Variants in FAR1 observed in about 807,000 individuals in gnomAD.
The protein encoded by FAR1 is male sterility domain-containing protein 2.
A neutral mutation model predicts 61.1 loss-of-function variants in FAR1; 22 were observed. The observed-to-expected ratio is 0.36, with a 90% CI of 0.26 to 0.51. The LOEUF (loss-of-function observed/expected upper bound fraction) is 0.51. Among genes scored for constraint, FAR1 ranks in the 20% least tolerant of loss-of-function variants. The probability of loss-of-function intolerance (pLI) is 0.95; values close to 1 mark genes in which losing one functional copy is unlikely to be tolerated. For synonymous variants in FAR1, 206 were observed against 209.7 expected (o/e 0.98, Z 0.15); for missense variants, 359 against 626.9 (o/e 0.57, Z 4.56).
At chr11:13,694,517 G>C (rs1413239598) in intron 1 of FAR1, among the ~76,000 whole-genome samples, 1 of 152,166 alleles carries the variant, frequency 6.6e-6, no homozygotes, top group African/African-American at 2.4e-5. Flanking sequence ...CAAGTCCAGA[G>C]AACGTGAGTG....
Position 13,729,765 on chromosome 11 carries a change from A to C in FAR1, c.*991A>C, listed in dbSNP as rs1848704243. The C allele has an allele frequency of 6.6e-6, 1 of 152,058 alleles. No homozygotes were observed. The highest frequency in any genetic ancestry group is 1.5e-5 in the Non-Finnish European group (1 of 67,894). The allele number at this position is 152,058 out of a possible 1,614,324, so 9.4% of individuals were successfully genotyped here. On this transcript the variant is annotated 3_prime_UTR_variant, in exon 12 of 12. Transcript: ENST00000354817. ...ATGGAAGAATGTATTTGCAGGTAGT[A>C]ATAGCATTAAAAAATATACTCGTGT...
chr11:13,711,650 A>C lies in FAR1; in HGVS notation c.724-114A>C, dbSNP rs1848499710. 3.8e-6 allele frequency: 3 copies of C among 784,004 alleles called. No homozygotes were observed. In the African/African-American group the frequency reaches 5.3e-5, roughly 14 times the overall value. 48.6% of individuals were successfully genotyped at this position (784,004 alleles called of 1,614,324 possible). A position where few individuals can be genotyped will look rare whatever the true frequency, so the allele number is the denominator to read the frequency against. ...CTGGCCTGAATCTAGTCTGTTTTTT[A>C]GTTTTTAGAAGACAGCTACCAAGTA... On this transcript the variant is annotated intron_variant, in intron 5 of 11. Transcript: ENST00000354817.
intron 1 of FAR1, among the ~76,000 whole-genome samples, chr11:13,680,146 TTTGAAAA>T (rs1256859616): frequency 6.6e-6 from 1 of 152,178 alleles, no homozygotes; most frequent in East Asian, 1.9e-4. Context: ...AGCCTTAATT[TTTGAAAA>T]AGGAAAAAGG....
intron 3 of FAR1, 85 bp downstream of exon 3, chr11:13,700,577 T>A: frequency 2.2e-6 from 2 of 892,608 alleles, no homozygotes; most frequent in Middle Eastern, 3.6e-4. Context: ...AGTCAATTTG[T>A]TTTGAATGTG....
At chr11:13,691,526 A>G (rs1218932853) in intron 1 of FAR1, among the ~76,000 whole-genome samples, 2 of 152,138 alleles carry the variant, frequency 1.3e-5, no homozygotes, top group African/African-American at 4.8e-5. Flanking sequence ...TCTATACTCA[A>G]CTATTCCCCT....
chr11:13,719,897 T>C (rs1400493805), intron 9 of FAR1: 2 of 152,206 alleles, frequency 1.3e-5, no homozygotes, highest in African/African-American at 4.8e-5. Flanking sequence ...TGTGATTATT[T>C]TTTTAAGTTG....
At chr11:13,704,735 T>A (rs1002236649) in intron 3 of FAR1, among the ~76,000 whole-genome samples, 3 of 151,820 alleles carry the variant, frequency 2.0e-5, no homozygotes, top group Non-Finnish European at 2.9e-5. Context: ...TCATTAAGAT[T>A]AAAAAAAATG....
Position 13,690,167 on chromosome 11 carries a change from G to A in FAR1, c.-7-4592G>A, listed in dbSNP as rs894912035. Reference sequence around the variant, plus strand: ...GCTGGGATTACAGGTGTGAACCACCGCGCCTGGCCCAATCCTTTTTTGTAA... The same window carrying A: ...GCTGGGATTACAGGTGTGAACCACCACGCCTGGCCCAATCCTTTTTTGTAA... On this transcript the variant is annotated intron_variant, in intron 1 of 11. Coordinates refer to ENST00000354817, the MANE Select transcript of FAR1 (RefSeq NM_032228.6). 1.3e-4 allele frequency among the ~76,000 whole-genome samples: 19 copies of A among 151,972 alleles called. No individual in the cohort carries two copies. The East Asian group carries it at 2.7e-3, about 22-fold the overall frequency.
At chr11:13,671,863 C>G (rs911679792) in intron 1 of FAR1, among the ~76,000 whole-genome samples, 6 of 152,134 alleles carry the variant, frequency 3.9e-5, no homozygotes, top group Admixed American at 2.6e-4. Context: ...CAAGAAAATT[C>G]AAGTCAGACC....
intron 10 of FAR1, among the ~76,000 whole-genome samples, chr11:13,726,653 T>C (rs1848669024): frequency 6.6e-6 from 1 of 151,822 alleles, no homozygotes; most frequent in South Asian, 2.1e-4. Context: ...TGTATTTGTG[T>C]TTTGAATTGG....
chr11:13,707,360 A>G (rs1339203964), intron 3 of FAR1, among the ~76,000 whole-genome samples: 1 of 152,148 alleles, frequency 6.6e-6, no homozygotes, highest in Non-Finnish European at 1.5e-5. Context: ...GTAGCCTTAG[A>G]AAAGTGTTTG....
chr11:13,702,999 C>G (rs1355689568), intron 3 of FAR1, among the ~76,000 whole-genome samples: 1 of 152,138 alleles, frequency 6.6e-6, no homozygotes, highest in Non-Finnish European at 1.5e-5. Context: ...TTTCCTTTGT[C>G]AAAGCATCTA....
chr11:13,687,791 A>G (rs888154502), intron 1 of FAR1, among the ~76,000 whole-genome samples: 3 of 152,138 alleles, frequency 2.0e-5, no homozygotes, highest in African/African-American at 7.2e-5. Flanking sequence ...TGATGAGTTC[A>G]TGTCCTTTGT....
At chr11:13,716,607 T>G (rs1848559868) in intron 9 of FAR1, among the ~76,000 whole-genome samples, 1 of 152,208 alleles carries the variant, frequency 6.6e-6, no homozygotes, top group African/African-American at 2.4e-5. Context: ...ACTTCTTATA[T>G]AGCAGCTGAT....
chr11:13,710,891 AT>A (rs1848490996), intron 5 of FAR1, 21 bp downstream of exon 5: 2 of 1,597,442 alleles, frequency 1.3e-6, no homozygotes, highest in South Asian at 2.3e-5. Flanking sequence ...AGAAACCTTT[AT>A]AAATAACTGG....
chr11:13,700,194 T>C, intron 2 of FAR1, 123 bp from the exon 3 acceptor site: 1 of 677,268 alleles, frequency 1.5e-6, no homozygotes, highest in Non-Finnish European at 2.4e-6. Flanking sequence ...ATAGCAACTT[T>C]AGGAATTGTA....
chr11:13,711,720 T>G (rs1160550239), intron 5 of FAR1, 44 bp from the exon 6 acceptor site: 10 of 1,375,424 alleles, frequency 7.3e-6, no homozygotes, highest in Non-Finnish European at 1.0e-5. Flanking sequence ...TCTAGCTTCA[T>G]AATGTTTCTA....
rs1317742203 is a variant in FAR1, at chr11:13,721,527, T to C, written c.1128-203T>C. 1.1e-5 allele frequency: 5 copies of C among 453,494 alleles called. No homozygotes were observed. Among genetic ancestry groups the C allele is most frequent in the Non-Finnish European group, 1.9e-5 (5 of 260,416 alleles). The allele number at this position is 453,494 out of a possible 1,614,324, so 28.1% of individuals were successfully genotyped here. On this transcript the variant is annotated intron_variant, in intron 9 of 11. Transcript: ENST00000354817. The surrounding 1 kb of genome is among the most constrained non-coding windows in gnomAD (Gnocchi z 4.2). Reference sequence around the variant, plus strand: ...TTTGCTGCTGCTTTCAAAAAAAATTTGTTTTCCTTTTGGATTTATAAATTG... The same window carrying C: ...TTTGCTGCTGCTTTCAAAAAAAATTCGTTTTCCTTTTGGATTTATAAATTG...
At chr11:13,678,907 G>C (rs934803560) in intron 1 of FAR1, among the ~76,000 whole-genome samples, 1 of 152,104 alleles carries the variant, frequency 6.6e-6, no homozygotes, top group South Asian at 2.1e-4. Flanking sequence ...CCATAAGAAA[G>C]TGACACAAGA....
Sources: gnomAD v4.1 joint callset for allele counts (sites outside exome capture counted in the v4.1 genomes callset) on GRCh38, gnomAD v4.1.1 for gene constraint, Gnocchi (gnomAD v3.1) non-coding constraint, MANE v1.5 for transcripts, NCBI Gene and HGNC (gene_info 2026-07-23, HGNC 2026-07-21) for gene names.